Variants in TF observed in about 807,000 individuals in gnomAD.
TF encodes the protein serotransferrin.
A neutral mutation model predicts 82.4 loss-of-function variants in TF; 55 were observed. The ratio of observed to expected loss-of-function variants is 0.67; its 90% confidence interval spans 0.54 to 0.84. The LOEUF (loss-of-function observed/expected upper bound fraction) is 0.84. Ranked by LOEUF, TF falls within the 40% of genes least tolerant of loss-of-function variation. The probability of loss-of-function intolerance (pLI) is 0.00; values close to 1 mark genes in which losing one functional copy is unlikely to be tolerated. For synonymous variants in TF, 332 were observed against 332.6 expected, an observed-to-expected ratio of 1.00 and a Z score of 0.02; for missense variants, 737 against 868.4, an observed-to-expected ratio of 0.85 and a Z score of 1.90.
intron 13 of TF, among the ~76,000 whole-genome samples, chr3:133,768,421 C>T (rs8177287): frequency 1.3e-3 from 191 of 152,262 alleles, no homozygotes; most frequent in African/African-American, 4.3e-3. Flanking sequence ...TTGACCCCCA[C>T]GGGACATTTG....
the TF span, among the ~76,000 whole-genome samples, chr3:133,705,188 C>T: frequency 1.3e-5 from 2 of 151,656 alleles, no homozygotes; most frequent in East Asian, 1.9e-4. Context: ...GCAGGAGAAT[C>T]GCTTGAACCT....
intron 14 of TF, 75 bp from the exon 15 acceptor site, chr3:133,775,358 C>T (rs550908694): frequency 1.3e-6 from 2 of 1,502,664 alleles, no homozygotes; most frequent in East Asian, 2.3e-5. Flanking sequence ...CTACACACCA[C>T]TGAGTCAGTT....
chr3:133,724,239 C>G, the TF span, among the ~76,000 whole-genome samples: 1 of 152,332 alleles, frequency 6.6e-6, no homozygotes, highest in East Asian at 1.9e-4. Flanking sequence ...ACACTGACTT[C>G]CACAATGGTT....
Position 133,778,964 on chromosome 3 carries a change from T to C in TF, c.*344T>C, listed in dbSNP as rs1934461038. On this transcript the variant is annotated 3_prime_UTR_variant, in exon 17 of 17. Transcript: ENST00000402696. ...TGGGTACAGTTCAAGGAGACATCTTTTCTAAAAGGGTCTGCGTGATCATTA... is the reference window on the plus strand; with the variant it reads ...TGGGTACAGTTCAAGGAGACATCTTCTCTAAAAGGGTCTGCGTGATCATTA... 1 of 312,692 alleles carries C rather than the reference T, an allele frequency of 3.2e-6. No homozygotes were observed. Among genetic ancestry groups the C allele is most frequent in the African/African-American group, 2.2e-5 (1 of 46,290 alleles). The allele number at this position is 312,692 out of a possible 1,614,324, so 19.4% of individuals were successfully genotyped here. A position where few individuals can be genotyped will look rare whatever the true frequency, so the allele number is the denominator to read the frequency against.
Position 133,777,217 on chromosome 3 carries a change from C to T in TF, c.2041C>T (p.Leu681=). ...AGAATATGTCAAGGCTGTTGGTAACCTGAGAAAATGCTCCACCTCATGTGA... is the reference window on the plus strand; with the variant it reads ...AGAATATGTCAAGGCTGTTGGTAACTTGAGAAAATGCTCCACCTCATGTGA... ...GEEYVKAVGN[L]RKCSTSSLLE... The change falls in exon 16 of 17, where the codon CTG becomes TTG. Residue 681 remains leucine (L), a synonymous_variant. Transcript: ENST00000402696. The T allele has an allele frequency of 1.2e-6, 2 of 1,613,172 alleles. No individual in the cohort carries two copies. Among genetic ancestry groups the T allele is most frequent in the Non-Finnish European group, 1.7e-6 (2 of 1,179,966 alleles).
At chr3:133,713,225 A>G in the TF span, among the ~76,000 whole-genome samples, 1 of 152,240 alleles carries the variant, frequency 6.6e-6, no homozygotes, top group African/African-American at 2.4e-5. Flanking sequence ...TCCTCCATCC[A>G]TTCAAGAAAT....
At chr3:133,765,445 A>C (rs1242908992) in intron 11 of TF, among the ~76,000 whole-genome samples, 5 of 152,212 alleles carry the variant, frequency 3.3e-5, no homozygotes, top group South Asian at 4.1e-4. Flanking sequence ...GTAAGGGTAC[A>C]TCTGAAGAAA....
rs1002346370 is a variant in TF at position 133,770,359 on chromosome 3, C to G, written c.1623-149C>G. The G allele has an allele frequency of 1.3e-5, 10 of 768,880 alleles. No homozygotes were observed. In the Admixed American group the frequency reaches 1.9e-4, roughly 14 times the overall value. 47.6% of individuals were successfully genotyped at this position (768,880 alleles called of 1,614,324 possible). On this transcript the variant is annotated intron_variant, in intron 13 of 16. Transcript: ENST00000402696. ...ATTCAGAGTGTTTTGTTTTTGTTCT[C>G]TTTATTCCTTACATTGCTTACTGTT...
the TF span, among the ~76,000 whole-genome samples, chr3:133,704,941 G>A: frequency 5.9e-5 from 9 of 152,182 alleles, no homozygotes; most frequent in South Asian, 4.1e-4. Flanking sequence ...GTAAATAGTG[G>A]TATCTCCATT....
At position 133,781,022 on chromosome 3, in the gene TF, A is replaced by G. The variant is rs920901420; in HGVS notation, c.*2402A>G. The G allele has an allele frequency of 1.3e-5, 2 of 151,898 alleles. No homozygotes were observed. Among genetic ancestry groups the G allele is most frequent in the Admixed American group, 1.3e-4 (2 of 15,242 alleles). The allele number at this position is 151,898 out of a possible 1,614,324, so 9.4% of individuals were successfully genotyped here. A position where few individuals can be genotyped will look rare whatever the true frequency, so the allele number is the denominator to read the frequency against. On this transcript the variant is annotated 3_prime_UTR_variant, in exon 17 of 17. Coordinates refer to ENST00000402696, the MANE Select transcript of TF (RefSeq NM_001063.4). Reference sequence around the variant, plus strand: ...GCAAGACTCTGTCTGGAAAATAATAAAAATAATAATAATAGGCAGGGCGTG... The same window carrying G: ...GCAAGACTCTGTCTGGAAAATAATAGAAATAATAATAATAGGCAGGGCGTG...
rs938964145 is a variant in TF at position 133,770,511 on chromosome 3, T to C, written c.1626T>C (p.Cys542=). The C allele has an allele frequency of 6.2e-7, 1 of 1,614,134 alleles. No individual in the cohort carries two copies. Among genetic ancestry groups the C allele is most frequent in the Non-Finnish European group, 8.5e-7 (1 of 1,180,014 alleles). Residue 542 remains cysteine (C), a synonymous_variant, in exon 14 of 17, where the codon TGT becomes TGC. Coordinates refer to ENST00000402696, the MANE Select transcript of TF (RefSeq NM_001063.4). ...TCCCACTTCTGGACCTCTGCAGGTGTCTGGTTGAGAAGGGAGATGTGGCCT... is the reference window on the plus strand; with the variant it reads ...TCCCACTTCTGGACCTCTGCAGGTGCCTGGTTGAGAAGGGAGATGTGGCCT... ...GYYGYTGAFR[C]LVEKGDVAFV... is the part of the protein sequence containing the mutation.
chr3:133,673,093 G>A, the TF span, among the ~76,000 whole-genome samples: 7 of 152,242 alleles, frequency 4.6e-5, no homozygotes, highest in South Asian at 8.3e-4. Flanking sequence ...TTAATAGTTC[G>A]GCAGTAACTA....
the TF span, among the ~76,000 whole-genome samples, chr3:133,718,980 C>G: frequency 6.6e-6 from 1 of 152,094 alleles, no homozygotes; most frequent in African/African-American, 2.4e-5. Flanking sequence ...ATAGAGGGAC[C>G]TGAAGATAGG....
chr3:133,673,202 G>A, the TF span, among the ~76,000 whole-genome samples: 1 of 152,206 alleles, frequency 6.6e-6, no homozygotes, highest in East Asian at 1.9e-4. Flanking sequence ...TGTAATGTGA[G>A]TTCTAGCCAG....
chr3:133,762,228 GCAAA>G (rs1183278860), intron 9 of TF: 1 of 206,780 alleles, frequency 4.8e-6, no homozygotes, highest in African/African-American at 2.3e-5. Flanking sequence ...TTGTGCATTT[GCAAA>G]CAGTTAATTG....
rs1207467803 is a variant in TF at position 133,756,383 on chromosome 3, T to A, written c.691+46T>A. 3.8e-6 allele frequency: 6 copies of A among 1,585,836 alleles called. No homozygotes were observed. The African/African-American group carries it at 8.1e-5, about 21-fold the overall frequency. On this transcript the variant is annotated intron_variant, in intron 6 of 16. Transcript: ENST00000402696. ...CACCAGGGCCACTCCAAGTAGTGGG[T>A]GTTCTTTTTCTGTGTTCCCTTTTTC...
chr3:133,729,337 T>A, the TF span, among the ~76,000 whole-genome samples: 2 of 152,218 alleles, frequency 1.3e-5, no homozygotes, highest in African/African-American at 4.8e-5. Context: ...AGCTGCTTTG[T>A]TTACCTAAGC....
Position 133,796,215 on chromosome 3 carries a change from A to C in TF, c.*17595A>C, listed in dbSNP as rs1234516207. ...CACCACCCCTGGCCATCAAGGAGCT[A>C]CCCTGCCTTCACTAGAAAGAGCAGA... On this transcript the variant is annotated 3_prime_UTR_variant, in exon 17 of 17. Transcript: ENST00000402696. The C allele has an allele frequency of 6.5e-6, 1 of 153,118 alleles. No individual in the cohort carries two copies. The highest frequency in any genetic ancestry group is 1.5e-5 in the Non-Finnish European group (1 of 68,070). 9.5% of individuals were successfully genotyped at this position (153,118 alleles called of 1,614,324 possible).
chr3:133,729,325 C>T, the TF span, among the ~76,000 whole-genome samples: 1 of 152,226 alleles, frequency 6.6e-6, no homozygotes, highest in Non-Finnish European at 1.5e-5. Context: ...TTTGAGCTTC[C>T]CAGCTGCTTT....
Sources: gnomAD v4.1 joint callset for allele counts (sites outside exome capture counted in the v4.1 genomes callset) on GRCh38, gnomAD v4.1.1 for gene constraint, MANE v1.5 for transcripts, NCBI Gene and HGNC (gene_info 2026-07-23, HGNC 2026-07-21) for gene names.